The following CCDC122 variants were observed in gnomAD, a reference collection of about 807,000 sequenced individuals.
The protein encoded by CCDC122 is coiled-coil domain-containing protein 122.
CCDC122 carries 38 observed loss-of-function variants against 37.0 expected under a neutral mutation model. The observed-to-expected ratio is 1.03, with a 90% CI of 0.79 to 1.35. The LOEUF (loss-of-function observed/expected upper bound fraction) is 1.35. CCDC122 is among the 40% of genes most tolerant of loss of function. CCDC122 has a pLI of 0.00. For missense variants in CCDC122, 305 were observed against 310.0 expected (o/e 0.98, Z 0.12); for synonymous variants, 83 against 95.6 (o/e 0.87, Z 0.77).
intron 4 of CCDC122, among the ~76,000 whole-genome samples, chr13:43,865,010 AAC>A (rs920949006): frequency 6.6e-6 from 1 of 152,110 alleles, no homozygotes; most frequent in African/African-American, 2.4e-5. Flanking sequence ...GGTTGGTATA[AAC>A]ATATTGAGGT....
chr13:43,841,747 G>A (rs1453823996), intron 6 of CCDC122, among the ~76,000 whole-genome samples: 1 of 152,090 alleles, frequency 6.6e-6, no homozygotes, highest in African/African-American at 2.4e-5. Flanking sequence ...GTCTCACTTT[G>A]TTGCCCAGGC....
At chr13:43,847,487 T>C (rs1028779886) in intron 6 of CCDC122, among the ~76,000 whole-genome samples, 1 of 152,230 alleles carries the variant, frequency 6.6e-6, no homozygotes, top group African/African-American at 2.4e-5. Flanking sequence ...TTTGGATTCA[T>C]ATCCTACTCT....
chr13:43,869,632 G>A (rs919144823), intron 2 of CCDC122, 143 bp from the exon 3 acceptor site: 1 of 449,128 alleles, frequency 2.2e-6, no homozygotes, highest in African/African-American at 2.1e-5. Flanking sequence ...CTGCTTTTCT[G>A]CTGTGGTGAC....
At chr13:43,844,442 T>C (rs1953450733) in intron 6 of CCDC122, among the ~76,000 whole-genome samples, 1 of 152,024 alleles carries the variant, frequency 6.6e-6, no homozygotes, top group African/African-American at 2.4e-5. Context: ...GGTGAATATT[T>C]CATGTACACT....
intron 6 of CCDC122, among the ~76,000 whole-genome samples, chr13:43,848,507 G>A (rs1464942259): frequency 6.6e-6 from 1 of 151,266 alleles, no homozygotes; most frequent in Non-Finnish European, 1.5e-5. Flanking sequence ...CTTGTATTTT[G>A]CTTCCCCAGT....
chr13:43,837,405 T>C lies in CCDC122; in HGVS notation c.697A>G (p.Ile233Val), dbSNP rs1953203513. The C allele has an allele frequency of 6.2e-7, 1 of 1,614,002 alleles. No homozygotes were observed. Among genetic ancestry groups the C allele is most frequent in the Non-Finnish European group, 8.5e-7 (1 of 1,179,996 alleles). ...ACCTGACAATGCAAACGCTTAAGAA[T>C]TGCATCATACCTCTTATGTTGTACC... ...IEVQHKRYDA[I>V]LKRLHCQVNK... The change falls in exon 7 of 7, where the codon ATT becomes GTT. Residue 233 changes from isoleucine to valine, a missense_variant. Coordinates refer to ENST00000444614, the MANE Select transcript of CCDC122 (RefSeq NM_144974.5).
At chr13:43,827,418 A>G (rs1196267486) in intron 3 of CCDC122, among the ~76,000 whole-genome samples, 1 of 152,236 alleles carries the variant, frequency 6.6e-6, no homozygotes, top group Non-Finnish European at 1.5e-5. Flanking sequence ...AATGAAGCCC[A>G]AGACTCAAAA....
chr13:43,824,459 C>T (rs1034320331), intron 3 of CCDC122, among the ~76,000 whole-genome samples: 1 of 152,106 alleles, frequency 6.6e-6, no homozygotes, highest in African/African-American at 2.4e-5. Context: ...AATCCTAGAA[C>T]AAAACCTAAA....
intron 2 of CCDC122, among the ~76,000 whole-genome samples, chr13:43,873,478 G>A (rs915721488): frequency 6.6e-6 from 1 of 152,116 alleles, no homozygotes; most frequent in Admixed American, 6.5e-5. Context: ...GAGTTCATTA[G>A]CAGGGAGGTC....
At chr13:43,876,578 T>G (rs1369509069) in intron 1 of CCDC122, among the ~76,000 whole-genome samples, 1 of 152,222 alleles carries the variant, frequency 6.6e-6, no homozygotes, top group East Asian at 1.9e-4. Context: ...AATTCCCATA[T>G]CATGCTAGGA....
chr13:43,833,760 T>C (rs116898613), downstream of CCDC122, among the ~76,000 whole-genome samples: 1,388 of 132,662 alleles, frequency 0.01, 14 homozygotes, highest in South Asian at 0.037. Context: ...TGCAGAGCAG[T>C]GTCCCTGATG....
chr13:43,839,545 C>T (rs903519328), intron 6 of CCDC122, among the ~76,000 whole-genome samples: 5 of 152,116 alleles, frequency 3.3e-5, no homozygotes, highest in African/African-American at 1.2e-4. Flanking sequence ...AATAATACTG[C>T]CATGAACATT....
At chr13:43,837,477 G>A (rs187261431) in intron 6 of CCDC122, 48 bp from the exon 7 acceptor site, 2 of 1,525,288 alleles carry the variant, frequency 1.3e-6, no homozygotes, top group African/African-American at 2.8e-5. Flanking sequence ...AGTATAAATA[G>A]TAAACAGCCA....
At chr13:43,878,182 T>G (rs1364522847) in intron 1 of CCDC122, 1 of 152,194 alleles carries the variant, frequency 6.6e-6, no homozygotes, top group African/African-American at 2.4e-5. Context: ...TTTAAAACCT[T>G]TGTAACTAAA....
chr13:43,839,485 G>A (rs1953273366), intron 6 of CCDC122, among the ~76,000 whole-genome samples: 1 of 152,098 alleles, frequency 6.6e-6, no homozygotes, highest in African/African-American at 2.4e-5. Context: ...TATTTATCCA[G>A]TTCATGAGTT....
intron 1 of CCDC122, chr13:43,878,115 C>G (rs1295372019): frequency 6.6e-6 from 1 of 151,858 alleles, no homozygotes; most frequent in Non-Finnish European, 1.5e-5. Flanking sequence ...TTTTTTACTG[C>G]CACTACTTTT....
intron 6 of CCDC122, chr13:43,849,179 A>C (rs370812539): frequency 1.5e-5 from 9 of 587,770 alleles, no homozygotes; most frequent in African/African-American, 1.4e-4. Context: ...GAAATGAAAA[A>C]GTTCAAAAGA....
chr13:43,857,094 C>T (rs1220312030), intron 6 of CCDC122, among the ~76,000 whole-genome samples: 4 of 152,176 alleles, frequency 2.6e-5, no homozygotes, highest in African/African-American at 4.8e-5. Flanking sequence ...AAACATGGAA[C>T]TTTGCTGTGG....
intron 1 of CCDC122, among the ~76,000 whole-genome samples, chr13:43,876,119 T>A (rs1233945124): frequency 6.6e-6 from 1 of 152,168 alleles, no homozygotes; most frequent in African/African-American, 2.4e-5. Context: ...ATGTGCAAGG[T>A]GCTGTCAACA....
Sources: allele counts gnomAD v4.1 joint callset (sites outside exome capture counted in the v4.1 genomes callset), GRCh38; gene constraint gnomAD v4.1.1; transcripts MANE v1.5; gene names NCBI Gene and HGNC (gene_info 2026-07-23, HGNC 2026-07-21).